DNAH7: variants seen among roughly 807,000 people sequenced by gnomAD.
DNAH7 encodes the protein dynein axonemal heavy chain 7.
In DNAH7, 397 loss-of-function variants were observed where a neutral mutation model predicts 444.6. The ratio of observed to expected loss-of-function variants is 0.89; its 90% confidence interval spans 0.82 to 0.97. DNAH7 has a LOEUF of 0.97. DNAH7 is among the 50% of genes least tolerant of loss of function. The pLI, the probability that DNAH7 is intolerant of heterozygous loss-of-function variation, is 0.00. For missense variants in DNAH7, 4,902 were observed against 4,800.8 expected, an observed-to-expected ratio of 1.02 and a Z score of -0.62; for synonymous variants, 1,636 against 1,624.4, an observed-to-expected ratio of 1.01 and a Z score of -0.17.
At chr2:195,856,085 C>G in intron 44 of DNAH7, 94 bp from the exon 45 acceptor site, 1 of 1,118,082 alleles carries the variant, frequency 8.9e-7, no homozygotes, top group Non-Finnish European at 1.2e-6. Context: ...CTTACTATAA[C>G]TGAAAACACT....
At chr2:195,824,538 G>T (rs2124916741) in intron 48 of DNAH7, 93 bp from the exon 49 acceptor site, 1 of 1,101,610 alleles carries the variant, frequency 9.1e-7, no homozygotes, top group Non-Finnish European at 1.2e-6. Context: ...CAGCCTTATA[G>T]ATAAATTCTG....
At chr2:195,767,047 AT>A (rs1694621873) in intron 61 of DNAH7, among the ~76,000 whole-genome samples, 2 of 151,792 alleles carry the variant, frequency 1.3e-5, no homozygotes, top group South Asian at 4.2e-4. Context: ...TATTTCATTA[AT>A]TTGTCTTTAT....
chr2:195,932,003 T>C (rs568722266), intron 21 of DNAH7, among the ~76,000 whole-genome samples: 1 of 152,216 alleles, frequency 6.6e-6, no homozygotes, highest in African/African-American at 2.4e-5. Flanking sequence ...AATCTATAAA[T>C]TACCTTGGGC....
At chr2:195,845,346 G>C (rs1357747402) in intron 46 of DNAH7, among the ~76,000 whole-genome samples, 181 bp from the exon 47 acceptor site, 1 of 152,160 alleles carries the variant, frequency 6.6e-6, no homozygotes, top group Non-Finnish European at 1.5e-5. Context: ...GAGAAGGTCA[G>C]CTATGTACTC....
intron 5 of DNAH7, among the ~76,000 whole-genome samples, chr2:196,030,100 C>T (rs140946852): frequency 1.4e-4 from 21 of 152,088 alleles, no homozygotes; most frequent in African/African-American, 4.3e-4. Context: ...TGAGACTGGG[C>T]AATTTAAAAA....
chr2:196,026,281 T>G (rs947081593), intron 7 of DNAH7, among the ~76,000 whole-genome samples: 1 of 152,190 alleles, frequency 6.6e-6, no homozygotes, highest in African/African-American at 2.4e-5. Context: ...TTTGGTCTAC[T>G]GCAACAATTT....
At chr2:195,947,372 C>T (rs536248595) in intron 19 of DNAH7, among the ~76,000 whole-genome samples, 1 of 151,786 alleles carries the variant, frequency 6.6e-6, no homozygotes, top group African/African-American at 2.4e-5. Context: ...TATACACGTG[C>T]CATCGTGGTT....
At chr2:195,785,657 A>C (rs1441665749) in intron 58 of DNAH7, among the ~76,000 whole-genome samples, 5 of 147,356 alleles carry the variant, frequency 3.4e-5, no homozygotes, top group Non-Finnish European at 5.9e-5. Flanking sequence ...TTTTTTCTGC[A>C]TCTATCGATA....
rs774203672 is a variant in DNAH7, at chr2:196,012,887, T to C, written c.889A>G (p.Ile297Val). 4 of 1,523,580 alleles carry C rather than the reference T, an allele frequency of 2.6e-6. No homozygotes were observed. Among genetic ancestry groups the C allele is most frequent in the Non-Finnish European group, 3.5e-6 (4 of 1,137,568 alleles). 94.4% of individuals were successfully genotyped at this position (1,523,580 alleles called of 1,614,324 possible). A position where few individuals can be genotyped will look rare whatever the true frequency, so the allele number is the denominator to read the frequency against. ...TCCTGGCAATTATGAAATTCTTTGA[T>C]ATCAACTAAACGTAATTTTCTGCAA... ...TNFKKLRLVD[I>V]KEFHNCQDAL... Residue 297 changes from isoleucine to valine, a missense_variant, in exon 10 of 65, where the codon ATC becomes GTC. Ile to Val is a conservative substitution (Grantham distance 29). Coordinates refer to ENST00000312428, the MANE Select transcript of DNAH7 (RefSeq NM_018897.3).
chr2:195,833,887 T>C (rs1002083698), intron 48 of DNAH7, among the ~76,000 whole-genome samples: 4 of 152,046 alleles, frequency 2.6e-5, no homozygotes, highest in African/African-American at 9.7e-5. Context: ...CCTGAGTAGC[T>C]GGGATTACAG....
At position 195,886,186 on chromosome 2, in the gene DNAH7, G is replaced by A; in HGVS notation, c.5493C>T (p.Val1831=). 1 of 1,613,820 alleles carries A rather than the reference G, an allele frequency of 6.2e-7. No homozygotes were observed. Among genetic ancestry groups the A allele is most frequent in the Admixed American group, 1.7e-5 (1 of 59,978 alleles). The part of the protein sequence containing the change: ...DCFMDDFADE[V]KLKERNDRET... ...CTCGATCATTTCTCTCCTTTAGTTT[G>A]ACTTCATCAGCAAAATCATCCATAA... The change falls in exon 34 of 65, where the codon GTC becomes GTT. Residue 1831 remains valine, a synonymous_variant. Coordinates refer to ENST00000312428, the MANE Select transcript of DNAH7 (RefSeq NM_018897.3).
chr2:195,884,549 G>C (rs985436495), intron 35 of DNAH7, 36 bp downstream of exon 35: 11 of 1,529,344 alleles, frequency 7.2e-6, no homozygotes, highest in Non-Finnish European at 9.1e-6. Context: ...GACTCTGCCA[G>C]GCTGGCAGCT....
At chr2:196,058,597 C>A (rs1279108094) in intron 1 of DNAH7, among the ~76,000 whole-genome samples, 23 of 151,596 alleles carry the variant, frequency 1.5e-4, no homozygotes, top group Admixed American at 1.5e-3. Flanking sequence ...TTTACAATTG[C>A]ATGAAATAGA....
At chr2:196,031,491 A>G (rs1343488131) in intron 5 of DNAH7, among the ~76,000 whole-genome samples, 1 of 152,228 alleles carries the variant, frequency 6.6e-6, no homozygotes, top group Non-Finnish European at 1.5e-5. Flanking sequence ...TCCTCTGAAA[A>G]TAAGATTTTT....
chr2:195,821,570 C>T (rs1443997247), intron 49 of DNAH7, among the ~76,000 whole-genome samples: 1 of 152,132 alleles, frequency 6.6e-6, no homozygotes, highest in Non-Finnish European at 1.5e-5. Flanking sequence ...AGACCCAGGG[C>T]TCATATATCA....
chr2:195,851,410 G>A (rs1478849840), intron 46 of DNAH7, among the ~76,000 whole-genome samples: 1 of 152,220 alleles, frequency 6.6e-6, no homozygotes, highest in Non-Finnish European at 1.5e-5. Context: ...GGGATGAAGT[G>A]ACTACTTGAA....
At chr2:195,753,060 A>T (rs1693879894) in intron 63 of DNAH7, among the ~76,000 whole-genome samples, 2 of 152,218 alleles carry the variant, frequency 1.3e-5, no homozygotes, top group Non-Finnish European at 2.9e-5. Flanking sequence ...GACAAGAAGT[A>T]TCTACTAGTA....
intron 63 of DNAH7, among the ~76,000 whole-genome samples, chr2:195,747,096 CGCTA>C: frequency 6.6e-6 from 1 of 151,950 alleles, no homozygotes; most frequent in Middle Eastern, 3.4e-3. Flanking sequence ...ATTGATAGAC[CGCTA>C]GCAAGACTAA....
At chr2:195,844,876 A>G in intron 47 of DNAH7, 126 bp downstream of exon 47, 1 of 750,064 alleles carries the variant, frequency 1.3e-6, no homozygotes, top group East Asian at 2.7e-5. Context: ...CTCATACTTA[A>G]TTTCACTAAT....
Sources: gnomAD v4.1 joint callset for allele counts (sites outside exome capture counted in the v4.1 genomes callset) on GRCh38, gnomAD v4.1.1 for gene constraint, MANE v1.5 for transcripts, NCBI Gene and HGNC (gene_info 2026-07-23, HGNC 2026-07-21) for gene names.